LUC7L: variants seen among roughly 807,000 people sequenced by gnomAD.
LUC7L encodes the protein putative RNA-binding protein Luc7-like 1.
LUC7L carries 29 observed loss-of-function variants against 51.1 expected under a neutral mutation model. The observed-to-expected ratio is 0.57, with a 90% CI of 0.42 to 0.77. LUC7L has a LOEUF of 0.77. LUC7L is among the 30% of genes least tolerant of loss of function. The pLI, the probability that LUC7L is intolerant of heterozygous loss-of-function variation, is 0.00. For missense variants in LUC7L, 403 were observed against 511.9 expected (o/e 0.79, Z 2.05); for synonymous variants, 181 against 180.7 (o/e 1.00, Z -0.01).
intron 2 of LUC7L, among the ~76,000 whole-genome samples, chr16:225,917 T>C (rs1316988307): frequency 1.3e-5 from 2 of 152,232 alleles, no homozygotes; most frequent in South Asian, 2.1e-4. Context: ...GGTTGAAATC[T>C]TCCCGAGAGT....
chr16:189,715 G>A, intron 9 of LUC7L: 1 of 1,367,180 alleles, frequency 7.3e-7, no homozygotes, highest in Non-Finnish European at 9.4e-7. Flanking sequence ...CTCTGAGCAT[G>A]GACGCAACAG....
chr16:218,799 G>T (rs2049882695), intron 3 of LUC7L, among the ~76,000 whole-genome samples: 1 of 151,696 alleles, frequency 6.6e-6, no homozygotes, highest in Non-Finnish European at 1.5e-5. Context: ...TACTCTAAAT[G>T]AATTTACTGG....
At chr16:224,616 A>C (rs1024670350) in intron 2 of LUC7L, among the ~76,000 whole-genome samples, 2 of 150,614 alleles carry the variant, frequency 1.3e-5, no homozygotes, top group African/African-American at 2.4e-5. Context: ...GATCACCTGA[A>C]GTCAGGAGTT....
intron 6 of LUC7L, among the ~76,000 whole-genome samples, chr16:195,259 A>T (rs913790672): frequency 7.0e-6 from 1 of 143,076 alleles, no homozygotes; most frequent in Non-Finnish European, 1.5e-5. Context: ...CCTCCTACCT[A>T]AAAAAAAAAA....
rs531192962 is a variant in LUC7L at position 218,711 on chromosome 16, ACT to A, written c.255+1936_255+1937del. Among the ~76,000 whole-genome samples, 628 of 151,494 alleles carry A rather than the reference ACT, an allele frequency of 4.1e-3. 4 individuals carry two copies. Among genetic ancestry groups the A allele is most frequent in the Non-Finnish European group, 7.3e-3 (494 of 67,870 alleles). ...ATTCCAGCTTGGGCAACAGAGGGAG[ACT>A]CTGTCTCAAAAAAACAGAAAAAAGA... is the stretch of plus-strand genomic sequence containing the variant. On this transcript the variant is annotated intron_variant, in intron 3 of 9. Coordinates refer to ENST00000293872, the MANE Select transcript of LUC7L (RefSeq NM_201412.3).
chr16:208,306 A>C, intron 3 of LUC7L, 118 bp from the exon 4 acceptor site: 1 of 703,444 alleles, frequency 1.4e-6, no homozygotes. Flanking sequence ...CTGTACATTC[A>C]AGGGAAAGAT....
chr16:215,363 G>A (rs2049761870), intron 3 of LUC7L, among the ~76,000 whole-genome samples: 1 of 152,062 alleles, frequency 6.6e-6, no homozygotes, highest in Non-Finnish European at 1.5e-5. Flanking sequence ...GCTCACACCT[G>A]TAATCCCAGC....
intron 1 of LUC7L, chr16:228,564 T>C: frequency 8.4e-7 from 1 of 1,196,402 alleles, no homozygotes. Flanking sequence ...AATGTGCCAG[T>C]GTGAACTTAC....
intron 3 of LUC7L, among the ~76,000 whole-genome samples, chr16:212,890 A>G (rs1275101955): frequency 2.0e-5 from 3 of 150,522 alleles, no homozygotes; most frequent in African/African-American, 7.3e-5. Flanking sequence ...CCATCCTTCC[A>G]CCTCAGCCTC....
intron 1 of LUC7L, chr16:228,286 GCAAA>G: frequency 1.5e-6 from 2 of 1,301,554 alleles, no homozygotes; most frequent in Non-Finnish European, 2.0e-6. Flanking sequence ...GTGAAAAAAA[GCAAA>G]CACTTTTTTG....
intron 6 of LUC7L, among the ~76,000 whole-genome samples, chr16:194,933 C>T (rs1380649944): frequency 6.6e-6 from 1 of 152,148 alleles, no homozygotes; most frequent in African/African-American, 2.4e-5. Flanking sequence ...CAAAGAATCA[C>T]GAGTCTTCTC....
At chr16:191,306 C>G (rs760323648) in intron 7 of LUC7L, among the ~76,000 whole-genome samples, 1 of 152,140 alleles carries the variant, frequency 6.6e-6, no homozygotes, top group Non-Finnish European at 1.5e-5. Flanking sequence ...GGCTTCCTGT[C>G]AGGTGAGAGT....
chr16:208,991 C>G (rs1321792937), intron 3 of LUC7L: 2 of 151,448 alleles, frequency 1.3e-5, no homozygotes, highest in African/African-American at 4.9e-5. Flanking sequence ...GTCAGGAGTT[C>G]AAGACCAGTC....
At chr16:191,564 C>T (rs1202948589) in intron 7 of LUC7L, among the ~76,000 whole-genome samples, 1 of 152,012 alleles carries the variant, frequency 6.6e-6, no homozygotes, top group African/African-American at 2.4e-5. Flanking sequence ...AAACAACAAA[C>T]GGCCGGGCGT....
At chr16:191,867 G>A (rs988690001) in intron 7 of LUC7L, among the ~76,000 whole-genome samples, 3 of 152,018 alleles carry the variant, frequency 2.0e-5, no homozygotes, top group Non-Finnish European at 2.9e-5. Flanking sequence ...ATAAACATTC[G>A]CCCTGAGTTA....
intron 4 of LUC7L, among the ~76,000 whole-genome samples, chr16:207,594 G>A (rs534691731): frequency 6.6e-6 from 1 of 152,304 alleles, no homozygotes; most frequent in African/African-American, 2.4e-5. Flanking sequence ...AAAAGACAGA[G>A]GTAGCAGCTC....
At chr16:190,429 A>C in intron 8 of LUC7L, 112 bp downstream of exon 8, 1 of 1,202,430 alleles carries the variant, frequency 8.3e-7, no homozygotes, top group Non-Finnish European at 1.2e-6. Flanking sequence ...TGCCCTTCAC[A>C]AGCCAGCCCT....
intron 3 of LUC7L, among the ~76,000 whole-genome samples, chr16:218,888 T>G (rs547790879): frequency 7.2e-6 from 1 of 138,010 alleles, no homozygotes; most frequent in African/African-American, 2.8e-5. Context: ...GGCAGAAGTT[T>G]GAGACCAGCC....
At chr16:219,704 C>A (rs961907025) in intron 3 of LUC7L, among the ~76,000 whole-genome samples, 1 of 152,074 alleles carries the variant, frequency 6.6e-6, no homozygotes, top group African/African-American at 2.4e-5. Context: ...GAAACACCAT[C>A]TCTACTAAAA....
Sources: allele counts gnomAD v4.1 joint callset (sites outside exome capture counted in the v4.1 genomes callset), GRCh38; gene constraint gnomAD v4.1.1; transcripts MANE v1.5; gene names NCBI Gene and HGNC (gene_info 2026-07-23, HGNC 2026-07-21).